The following PDE4D variants were observed in gnomAD, a reference collection of about 807,000 sequenced individuals.
The protein encoded by PDE4D is 3',5'-cyclic-AMP phosphodiesterase 4D.
In PDE4D, 24 loss-of-function variants were observed where a neutral mutation model predicts 87.4. That is an observed-to-expected ratio of 0.27 (90% CI 0.20 to 0.39). The LOEUF (loss-of-function observed/expected upper bound fraction) is 0.39, where lower values mean the gene tolerates loss of function less well. PDE4D is among the 10% of genes least tolerant of loss of function. PDE4D has a pLI of 1.00. For missense variants in PDE4D, 714 were observed against 1,041.0 expected (o/e 0.69, Z 4.32); for synonymous variants, 384 against 383.2 (o/e 1.00, Z -0.02).
chr5:59,652,319 A>C (rs895468931), intron 1 of PDE4D, among the ~76,000 whole-genome samples: 1 of 152,216 alleles, frequency 6.6e-6, no homozygotes, highest in African/African-American at 2.4e-5. Flanking sequence ...TTTACTATTA[A>C]AATTAAGCTA....
intron 5 of PDE4D, among the ~76,000 whole-genome samples, chr5:59,043,246 G>C (rs759932925): frequency 2.0e-5 from 3 of 152,146 alleles, no homozygotes; most frequent in Non-Finnish European, 2.9e-5. Context: ...AGCTGAGGTC[G>C]GGCACAGTGG....
chr5:59,753,376 T>G (rs988798534), intron 1 of PDE4D, among the ~76,000 whole-genome samples: 40 of 152,028 alleles, frequency 2.6e-4, no homozygotes, highest in African/African-American at 9.7e-4. Flanking sequence ...TTTTTTCTGG[T>G]TTTTTGGGAA....
intron 1 of PDE4D, among the ~76,000 whole-genome samples, chr5:60,410,574 C>A (rs1000936855): frequency 1.3e-5 from 2 of 152,228 alleles, no homozygotes; most frequent in East Asian, 3.8e-4. Flanking sequence ...CTTCTCCGCC[C>A]ATCTGGATGA....
intron 2 of PDE4D, among the ~76,000 whole-genome samples, chr5:60,110,944 C>A (rs1449836403): frequency 6.6e-6 from 1 of 152,000 alleles, no homozygotes; most frequent in Non-Finnish European, 1.5e-5. Flanking sequence ...TAAGAGGGAG[C>A]TAAAATAAAA....
At chr5:59,230,619 T>A (rs1266405702) in intron 1 of PDE4D, among the ~76,000 whole-genome samples, 1 of 152,224 alleles carries the variant, frequency 6.6e-6, no homozygotes, top group South Asian at 2.1e-4. Context: ...AGTTCTACTA[T>A]AATTGCCTTT....
At chr5:60,512,615 T>C (rs1194710870) in intron 1 of PDE4D, among the ~76,000 whole-genome samples, 3 of 152,118 alleles carry the variant, frequency 2.0e-5, no homozygotes, top group Admixed American at 2.0e-4. Flanking sequence ...CAGAAAACAA[T>C]GAAACATCTT....
intron 1 of PDE4D, among the ~76,000 whole-genome samples, chr5:59,764,727 C>A (rs924189306): frequency 2.3e-5 from 3 of 131,984 alleles, no homozygotes; most frequent in Middle Eastern, 9.5e-3. Context: ...ACAATCATGG[C>A]TCACTGCAAC....
chr5:59,915,176 G>T (rs1753905326), intron 3 of PDE4D, among the ~76,000 whole-genome samples: 1 of 152,084 alleles, frequency 6.6e-6, no homozygotes, highest in Non-Finnish European at 1.5e-5. Flanking sequence ...AGTTAGAGTG[G>T]ACATATTAAC....
chr5:59,134,765 C>T (rs930267770), intron 5 of PDE4D, among the ~76,000 whole-genome samples: 21 of 152,294 alleles, frequency 1.4e-4, no homozygotes, highest in African/African-American at 4.3e-4. Context: ...GACCCTTTCT[C>T]ATAGTGAGGG....
At chr5:59,143,105 TTTCCTTCC>T (rs762439647) in intron 5 of PDE4D, among the ~76,000 whole-genome samples, 2 of 151,860 alleles carry the variant, frequency 1.3e-5, no homozygotes, top group African/African-American at 4.8e-5. Flanking sequence ...TGTTTCCTTC[TTTCCTTCC>T]TTCCTTCCTT....
chr5:59,197,199 A>AT (rs1224662683), intron 2 of PDE4D, among the ~76,000 whole-genome samples: 1 of 152,210 alleles, frequency 6.6e-6, no homozygotes, highest in African/African-American at 2.4e-5. Flanking sequence ...AAAGGGTTGC[A>AT]TATTTATTAA....
At chr5:59,987,873 T>G (rs1373279728) in intron 3 of PDE4D, 1 of 152,318 alleles carries the variant, frequency 6.6e-6, no homozygotes, top group East Asian at 1.9e-4. Flanking sequence ...AAACAAAAAT[T>G]ATACCCTGCA....
At chr5:59,955,240 C>A (rs1162068586) in intron 3 of PDE4D, among the ~76,000 whole-genome samples, 1 of 152,126 alleles carries the variant, frequency 6.6e-6, no homozygotes, top group Non-Finnish European at 1.5e-5. Flanking sequence ...TGTGCATGCA[C>A]ATTTTCAGAA....
chr5:60,465,968 C>A (rs1747323128), intron 1 of PDE4D, among the ~76,000 whole-genome samples: 1 of 151,852 alleles, frequency 6.6e-6, no homozygotes, highest in Non-Finnish European at 1.5e-5. Flanking sequence ...GGAACAGTTT[C>A]TACTGAATGC....
intron 3 of PDE4D, among the ~76,000 whole-genome samples, chr5:59,976,497 G>A (rs975043126): frequency 6.6e-6 from 1 of 152,094 alleles, no homozygotes; most frequent in African/African-American, 2.4e-5. Flanking sequence ...TGACAAAGCT[G>A]CTCCCCCTTC....
At chr5:59,019,317 G>A (rs866239706) in intron 6 of PDE4D, among the ~76,000 whole-genome samples, 1 of 151,924 alleles carries the variant, frequency 6.6e-6, no homozygotes, top group Admixed American at 6.6e-5. Context: ...ATTTCCCCTT[G>A]ATATAATCTA....
chr5:59,075,335 TCC>T (rs1765513182), intron 5 of PDE4D, among the ~76,000 whole-genome samples: 1 of 152,198 alleles, frequency 6.6e-6, no homozygotes, highest in Non-Finnish European at 1.5e-5. Context: ...ATGGAACTTC[TCC>T]TTTGTCAATT....
chr5:58,984,338 T>G (rs1185698591), intron 11 of PDE4D, among the ~76,000 whole-genome samples: 1 of 152,208 alleles, frequency 6.6e-6, no homozygotes, highest in Admixed American at 6.5e-5. Flanking sequence ...CTCCACCTTT[T>G]CTAGCAGAAT....
At chr5:59,444,907 C>T (rs560194176) in intron 1 of PDE4D, among the ~76,000 whole-genome samples, 57 of 152,302 alleles carry the variant, frequency 3.7e-4, no homozygotes, top group African/African-American at 1.3e-3. Flanking sequence ...TCCAGTTTGA[C>T]AATCCCCATT....
Sources: gnomAD v4.1 joint callset for allele counts (sites outside exome capture counted in the v4.1 genomes callset) on GRCh38, gnomAD v4.1.1 for gene constraint, MANE v1.5 for transcripts, NCBI Gene and HGNC (gene_info 2026-07-23, HGNC 2026-07-21) for gene names.